RBMS3: variants seen among roughly 807,000 people sequenced by gnomAD.
RBMS3 encodes RNA binding motif single stranded interacting protein 3.
Under a neutral mutation model 66.8 loss-of-function variants are expected in RBMS3, and 27 were observed. That is an observed-to-expected ratio of 0.40 (90% CI 0.30 to 0.56). RBMS3 has a LOEUF of 0.56. RBMS3 is among the 20% of genes least tolerant of loss of function. The pLI is 0.40. For missense variants in RBMS3, 513 were observed against 549.5 expected (o/e 0.93, Z 0.66); for synonymous variants, 188 against 183.0 (o/e 1.03, Z -0.22).
intron 4 of RBMS3, among the ~76,000 whole-genome samples, chr3:29,625,239 T>A (rs2049016959): frequency 6.6e-6 from 1 of 152,180 alleles, no homozygotes; most frequent in Non-Finnish European, 1.5e-5. Flanking sequence ...TACAATTGAC[T>A]ACAAATTTTT....
chr3:29,649,564 G>C (rs1165580824), intron 4 of RBMS3, among the ~76,000 whole-genome samples: 2 of 152,120 alleles, frequency 1.3e-5, no homozygotes, highest in East Asian at 3.8e-4. Flanking sequence ...TGGGTGATGG[G>C]TGCTTATTAT....
intron 2 of RBMS3, among the ~76,000 whole-genome samples, chr3:29,483,205 A>G (rs2043201205): frequency 6.7e-6 from 1 of 149,148 alleles, no homozygotes; most frequent in African/African-American, 2.5e-5. Context: ...GCTACTCGGG[A>G]GGCTGAGGCA....
chr3:29,992,411 C>T (rs1245345034), intron 14 of RBMS3, among the ~76,000 whole-genome samples: 1 of 151,998 alleles, frequency 6.6e-6, no homozygotes, highest in African/African-American at 2.4e-5. Flanking sequence ...ACGGTGAAAC[C>T]CCGTCTCTAC....
intron 4 of RBMS3, among the ~76,000 whole-genome samples, chr3:29,693,235 G>A (rs2052113752): frequency 6.6e-6 from 1 of 152,136 alleles, no homozygotes; most frequent in Non-Finnish European, 1.5e-5. Context: ...CCTTGAAAAT[G>A]CATAATTGTG....
intron 1 of RBMS3, among the ~76,000 whole-genome samples, chr3:29,307,943 G>A (rs559865654): frequency 1.3e-5 from 2 of 151,810 alleles, no homozygotes; most frequent in Admixed American, 6.6e-5. Flanking sequence ...ATTGGTAAAT[G>A]CATAAATGGG....
intron 4 of RBMS3, among the ~76,000 whole-genome samples, chr3:29,658,909 G>A (rs1026374692): frequency 1.3e-5 from 2 of 152,102 alleles, no homozygotes; most frequent in Admixed American, 6.6e-5. Context: ...TGCAACCTCC[G>A]CCTCCCGGGT....
rs186950012 is a variant in RBMS3, at chr3:29,491,364, G to A, written c.307+2865G>A. Among the ~76,000 whole-genome samples the A allele has an allele frequency of 1.3e-3, 195 of 152,342 alleles. 1 individual carries two copies. The highest frequency in any genetic ancestry group is 4.5e-3 in the African/African-American group (188 of 41,588). On this transcript the variant is annotated intron_variant, in intron 3 of 14. Transcript: ENST00000383767. ...AGAAAACTTACCTCCAAAGTGGGAT[G>A]TGTGAAGGGTGATACAAGACTGTTT...
intron 4 of RBMS3, among the ~76,000 whole-genome samples, chr3:29,679,893 C>T (rs1038869706): frequency 6.6e-6 from 1 of 151,070 alleles, no homozygotes; most frequent in Non-Finnish European, 1.5e-5. Flanking sequence ...TTAAAATTCC[C>T]TTGTTTTAGC....
intron 13 of RBMS3, among the ~76,000 whole-genome samples, chr3:29,990,859 CCAA>C (rs1698815756): frequency 6.6e-6 from 1 of 152,070 alleles, no homozygotes; most frequent in Admixed American, 6.6e-5. Flanking sequence ...CTTAACTACT[CCAA>C]CAACTTCTAA....
chr3:29,704,965 G>A (rs1275147073), intron 4 of RBMS3, among the ~76,000 whole-genome samples: 2 of 152,182 alleles, frequency 1.3e-5, no homozygotes, highest in African/African-American at 2.4e-5. Flanking sequence ...AAGATATCTT[G>A]TCACATGATC....
intron 6 of RBMS3, among the ~76,000 whole-genome samples, chr3:29,815,578 T>C (rs1363846262): frequency 1.3e-5 from 2 of 152,128 alleles, no homozygotes; most frequent in Non-Finnish European, 2.9e-5. Context: ...ATGTGGTATA[T>C]ATACACCATG....
Position 29,702,404 on chromosome 3 carries a change from A to T in RBMS3, c.400-37316A>T, listed in dbSNP as rs2052650952. On this transcript the variant is annotated intron_variant, in intron 4 of 14. Coordinates refer to ENST00000383767, the MANE Select transcript of RBMS3 (RefSeq NM_001003793.3). ...AAACAGACCAATCAGGTCTCTGTAAAATGGACCAATCAGCAGGATGTGGGT... is the reference window on the plus strand; with the variant it reads ...AAACAGACCAATCAGGTCTCTGTAATATGGACCAATCAGCAGGATGTGGGT... Among the ~76,000 whole-genome samples, 4 of 152,308 alleles carry T rather than the reference A, an allele frequency of 2.6e-5. No individual in the cohort carries two copies. In the East Asian group the frequency reaches 7.7e-4, roughly 29 times the overall value.
At chr3:29,888,528 C>T (rs553579917) in intron 8 of RBMS3, among the ~76,000 whole-genome samples, 2 of 151,704 alleles carry the variant, frequency 1.3e-5, no homozygotes, top group South Asian at 2.1e-4. Flanking sequence ...TCTCTAGTTG[C>T]TCTCGTCTAC....
At chr3:29,389,927 G>A (rs28698938) in intron 1 of RBMS3, among the ~76,000 whole-genome samples, 3,455 of 152,054 alleles carry the variant, frequency 0.023, 61 homozygotes, top group Middle Eastern at 0.037. Flanking sequence ...GCTCCTGGTG[G>A]GTGGAAAAAA....
intron 12 of RBMS3, among the ~76,000 whole-genome samples, chr3:29,958,721 G>A (rs566512616): frequency 9.2e-5 from 14 of 152,284 alleles, no homozygotes; most frequent in Middle Eastern, 3.4e-3. Flanking sequence ...TGATGCTAAA[G>A]CGTCTATTTG....
At chr3:29,822,883 A>T (rs990486727) in intron 6 of RBMS3, among the ~76,000 whole-genome samples, 7 of 152,134 alleles carry the variant, frequency 4.6e-5, no homozygotes, top group African/African-American at 1.4e-4. Context: ...ATATTCTAAA[A>T]TCCTCCAGTG....
At chr3:29,397,127 G>A (rs2039588343) in intron 1 of RBMS3, among the ~76,000 whole-genome samples, 1 of 152,082 alleles carries the variant, frequency 6.6e-6, no homozygotes, top group African/African-American at 2.4e-5. Context: ...TTTCGTAAAG[G>A]GAGAACTGCA....
At chr3:29,960,364 C>T (rs1249131242) in intron 12 of RBMS3, among the ~76,000 whole-genome samples, 1 of 152,178 alleles carries the variant, frequency 6.6e-6, no homozygotes, top group East Asian at 1.9e-4. Context: ...AGCTTTGCCC[C>T]TGTGGCTTTG....
At chr3:29,619,803 A>G (rs1311641898) in intron 4 of RBMS3, among the ~76,000 whole-genome samples, 1 of 152,072 alleles carries the variant, frequency 6.6e-6, no homozygotes, top group Admixed American at 6.5e-5. Flanking sequence ...TAAAACCACT[A>G]TTGGATAGGA....
Sources: allele counts gnomAD v4.1 joint callset (sites outside exome capture counted in the v4.1 genomes callset), GRCh38; gene constraint gnomAD v4.1.1; transcripts MANE v1.5; gene names NCBI Gene and HGNC (gene_info 2026-07-23, HGNC 2026-07-21).